The following VIT variants were observed in gnomAD, a reference collection of about 807,000 sequenced individuals.
VIT encodes vitrin.
In VIT, 99 loss-of-function variants were observed where a neutral mutation model predicts 78.0. The observed-to-expected ratio is 1.27, with a 90% CI of 1.08 to 1.50. The LOEUF (loss-of-function observed/expected upper bound fraction) is 1.50, where lower values mean the gene tolerates loss of function less well. Among genes scored for constraint, VIT ranks in the 40% most tolerant of loss-of-function variants. The pLI is 0.00. For missense variants in VIT, 1,126 were observed against 875.3 expected, an observed-to-expected ratio of 1.29 and a Z score of -3.61; for synonymous variants, 374 against 334.3, an observed-to-expected ratio of 1.12 and a Z score of -1.29.
intron 10 of VIT, among the ~76,000 whole-genome samples, chr2:36,782,042 A>C (rs1014684968): frequency 2.6e-5 from 4 of 152,168 alleles, no homozygotes; most frequent in African/African-American, 9.7e-5. Context: ...CCCACCCTCA[A>C]AATGGGTTTG....
chr2:36,735,045 T>C (rs1667430846), intron 3 of VIT, among the ~76,000 whole-genome samples: 1 of 151,992 alleles, frequency 6.6e-6, no homozygotes, highest in Non-Finnish European at 1.5e-5. Context: ...GCACCTGTAA[T>C]CCCAGCTACT....
chr2:36,801,215 A>G (rs1479197400), intron 12 of VIT, 86 bp from the exon 13 acceptor site: 2 of 1,201,562 alleles, frequency 1.7e-6, no homozygotes, highest in Non-Finnish European at 2.5e-6. Context: ...TTCTATTTGT[A>G]TATAAAAGAA....
Position 36,775,075 on chromosome 2 carries a change from G to C in VIT, c.802+8G>C. Reference sequence around the variant, plus strand: ...GAGCGGATGTCAGCCTGGGTAAGCTGCCCACTGCTTACCATCTCTGCTCCC... The same window carrying C: ...GAGCGGATGTCAGCCTGGGTAAGCTCCCCACTGCTTACCATCTCTGCTCCC... On this transcript the variant is annotated splice_region_variant and intron_variant, in intron 9 of 15. Transcript: ENST00000379242. 1 of 1,613,522 alleles carries C rather than the reference G, an allele frequency of 6.2e-7. No homozygotes were observed. The highest frequency in any genetic ancestry group is 1.3e-5 in the African/African-American group (1 of 75,002).
chr2:36,788,710 C>A (rs762716435), intron 12 of VIT, among the ~76,000 whole-genome samples: 1 of 152,166 alleles, frequency 6.6e-6, no homozygotes, highest in African/African-American at 2.4e-5. Flanking sequence ...GAAACATACG[C>A]GTTTTAATGC....
At chr2:36,757,463 G>GA (rs55889690) in intron 5 of VIT, among the ~76,000 whole-genome samples, 132,431 of 151,776 alleles carry the variant, frequency 0.87, 57,899 homozygotes, top group Admixed American at 0.93. Flanking sequence ...AATAGAAACA[G>GA]AAAAAAAAAT....
chr2:36,715,064 A>G (rs957227171), intron 1 of VIT, among the ~76,000 whole-genome samples: 2 of 152,136 alleles, frequency 1.3e-5, no homozygotes, highest in Non-Finnish European at 2.9e-5. Context: ...AAGTCTGTTC[A>G]TTCTTCAAAG....
intron 8 of VIT, chr2:36,774,464 G>A: frequency 1.0e-6 from 1 of 981,390 alleles, no homozygotes; most frequent in Non-Finnish European, 1.2e-6. Context: ...CGGTCTATGA[G>A]CTGATAGACT....
chr2:36,812,630 C>A (rs2080375), intron 15 of VIT, among the ~76,000 whole-genome samples: 142,299 of 152,002 alleles, frequency 0.94, 66,640 homozygotes, highest in East Asian at 0.99. Context: ...AGACATGCTC[C>A]AGTTCCTCCC....
chr2:36,805,688 C>T (rs978968536), intron 14 of VIT, 24 bp downstream of exon 14: 2 of 1,598,764 alleles, frequency 1.3e-6, no homozygotes, highest in Non-Finnish European at 1.7e-6. Flanking sequence ...CGGAGACCTA[C>T]CCAACATCAG....
intron 9 of VIT, among the ~76,000 whole-genome samples, chr2:36,780,303 A>C (rs910395995): frequency 6.6e-6 from 1 of 152,226 alleles, no homozygotes; most frequent in Non-Finnish European, 1.5e-5. Flanking sequence ...TCTTCCTGAC[A>C]TTCAAGAGTG....
chr2:36,799,774 T>G (rs1170772620), intron 12 of VIT, among the ~76,000 whole-genome samples: 1 of 151,828 alleles, frequency 6.6e-6, no homozygotes, highest in Non-Finnish European at 1.5e-5. Flanking sequence ...ATGGCTAGGC[T>G]TGGTGGCTCA....
chr2:36,740,091 T>C (rs1667747483), intron 3 of VIT, among the ~76,000 whole-genome samples: 1 of 152,254 alleles, frequency 6.6e-6, no homozygotes, highest in Non-Finnish European at 1.5e-5. Flanking sequence ...GCCTTAATTT[T>C]AGCTTATCTT....
At chr2:36,716,606 C>A (rs1052149766) in intron 2 of VIT, among the ~76,000 whole-genome samples, 184 bp downstream of exon 2, 2 of 152,108 alleles carry the variant, frequency 1.3e-5, no homozygotes, top group African/African-American at 4.8e-5. Context: ...ATTCAGGATG[C>A]ATGTGTATGT....
At chr2:36,766,433 A>G (rs1449212013) in intron 6 of VIT, among the ~76,000 whole-genome samples, 1 of 152,170 alleles carries the variant, frequency 6.6e-6, no homozygotes, top group Non-Finnish European at 1.5e-5. Flanking sequence ...TTGGGAGGTT[A>G]GGTGGGAGGA....
chr2:36,734,826 C>A (rs1667413931), intron 3 of VIT, among the ~76,000 whole-genome samples: 1 of 152,074 alleles, frequency 6.6e-6, no homozygotes, highest in Non-Finnish European at 1.5e-5. Context: ...TACTTAGCAC[C>A]ACTGGTGGGG....
At chr2:36,778,623 A>C (rs997015220) in intron 9 of VIT, among the ~76,000 whole-genome samples, 2 of 152,210 alleles carry the variant, frequency 1.3e-5, no homozygotes, top group African/African-American at 4.8e-5. Flanking sequence ...CTTTGTTGGC[A>C]TGATGGCTTA....
intron 3 of VIT, among the ~76,000 whole-genome samples, chr2:36,738,795 C>T (rs960483100): frequency 1.3e-5 from 2 of 152,154 alleles, no homozygotes; most frequent in Admixed American, 1.3e-4. Flanking sequence ...ATTGGCAAGC[C>T]TAGACGTTCC....
chr2:36,789,308 A>G (rs893001814), intron 12 of VIT, among the ~76,000 whole-genome samples: 2 of 152,184 alleles, frequency 1.3e-5, no homozygotes, highest in East Asian at 3.9e-4. Context: ...TAGATGATTT[A>G]TTAGGGCTCT....
intron 1 of VIT, among the ~76,000 whole-genome samples, chr2:36,704,284 G>A (rs17019511): frequency 0.47 from 71,084 of 151,908 alleles, 16,819 homozygotes; most frequent in Admixed American, 0.53. Flanking sequence ...ATGAATGGGT[G>A]CAATAGTCCT....
Sources: gnomAD v4.1 joint callset for allele counts (sites outside exome capture counted in the v4.1 genomes callset) on GRCh38, gnomAD v4.1.1 for gene constraint, MANE v1.5 for transcripts, NCBI Gene and HGNC (gene_info 2026-07-23, HGNC 2026-07-21) for gene names.